Variants in UBE3A observed in about 807,000 individuals in gnomAD.
The protein encoded by UBE3A is ubiquitin protein ligase E3A, also known as ubiquitin-protein ligase E3A.
In UBE3A, 6 loss-of-function variants were observed where a neutral mutation model predicts 83.4. The observed-to-expected ratio is 0.07, with a 90% CI of 0.04 to 0.14. The LOEUF (loss-of-function observed/expected upper bound fraction) is 0.14, where lower values mean the gene tolerates loss of function less well. Ranked by LOEUF, UBE3A falls within the 10% of genes least tolerant of loss-of-function variation. The probability of loss-of-function intolerance (pLI) is 1.00; values close to 1 mark genes in which losing one functional copy is unlikely to be tolerated. For synonymous variants in UBE3A, 337 were observed against 355.4 expected, an observed-to-expected ratio of 0.95 and a Z score of 0.58; for missense variants, 456 against 1,036.1, an observed-to-expected ratio of 0.44 and a Z score of 7.69.
In UBE3A at chr15:25,427,631, A is replaced by C. The variant is rs1295539160; in HGVS notation, c.-165+10858T>G. ...AAAAAAAAAAAAAAAAAAAAAAAAA[A>C]CCCACAAAACTTAGCAGGGCCTGGA... On this transcript the variant is annotated intron_variant, in intron 1 of 12. Transcript: ENST00000648336. Among the ~76,000 whole-genome samples the C allele has an allele frequency of 3.3e-3, 380 of 115,330 alleles. 4 individuals are homozygous for C. The highest frequency in any genetic ancestry group is 9.0e-3 in the African/African-American group (313 of 34,664). The allele number at this position is 115,330 out of a possible 152,430, so 75.7% of individuals were successfully genotyped here.
At chr15:25,376,052 A>G (rs1477601258) in intron 4 of UBE3A, among the ~76,000 whole-genome samples, 2 of 152,168 alleles carry the variant, frequency 1.3e-5, no homozygotes, top group Non-Finnish European at 2.9e-5. Context: ...GTCTGATGGT[A>G]TATGTGCTTA....
chr15:25,337,481 T>A lies in UBE3A; in HGVS notation c.*1656A>T, dbSNP rs1400786391. ...GCATTGTCTTCTTTTTCCACTAAAT[T>A]AAATTATGGTGAAAAGTGCCACAGT... On this transcript the variant is annotated 3_prime_UTR_variant, in exon 13 of 13. Coordinates refer to ENST00000648336, the MANE Select transcript of UBE3A (RefSeq NM_130839.5). 1 of 152,028 alleles carries A rather than the reference T, an allele frequency of 6.6e-6. No individual in the cohort carries two copies. The highest frequency in any genetic ancestry group is 1.5e-5 in the Non-Finnish European group (1 of 68,018). 9.4% of individuals were successfully genotyped at this position (152,028 alleles called of 1,614,324 possible).
chr15:25,426,372 AT>A (rs1891322209), intron 1 of UBE3A, among the ~76,000 whole-genome samples: 1 of 152,176 alleles, frequency 6.6e-6, no homozygotes, highest in Non-Finnish European at 1.5e-5. Context: ...CCTCTGGGTT[AT>A]TTTTACACTG....
At chr15:25,408,308 C>T (rs2089178354) in intron 3 of UBE3A, 1 of 408,694 alleles carries the variant, frequency 2.4e-6, no homozygotes, top group Admixed American at 3.8e-5. Context: ...TATTCTTTTA[C>T]TGCCAAGTTG....
intron 4 of UBE3A, among the ~76,000 whole-genome samples, chr15:25,384,612 A>G (rs1302512694): frequency 6.6e-6 from 1 of 152,156 alleles, no homozygotes; most frequent in East Asian, 1.9e-4. Flanking sequence ...GCAAATTCAA[A>G]GCAATCCCTA....
At chr15:25,401,138 TC>T (rs747997443) in intron 4 of UBE3A, among the ~76,000 whole-genome samples, 2 of 152,206 alleles carry the variant, frequency 1.3e-5, no homozygotes, top group Non-Finnish European at 2.9e-5. Context: ...TGTTGGATAA[TC>T]CTTGTACCCT....
In UBE3A at chr15:25,334,089, A is replaced by ATCCAATATT. The variant is rs2073848745; in HGVS notation, c.*5047_*5048insAATATTGGA. ...TATCCAATATTGTACTGGAGGTGCT[A>ATCCAATATT]GCCAGCACACTAAGGCAAGAAAATG... On this transcript the variant is annotated 3_prime_UTR_variant, in exon 13 of 13. Transcript: ENST00000648336. 6.6e-6 allele frequency: 1 copy of ATCCAATATT among 152,162 alleles called. No homozygotes were observed. The highest frequency in any genetic ancestry group is 1.5e-5 in the Non-Finnish European group (1 of 68,024). 9.4% of individuals were successfully genotyped at this position (152,162 alleles called of 1,614,324 possible).
At chr15:25,398,771 T>TTATATATA (rs1159969391) in intron 4 of UBE3A, among the ~76,000 whole-genome samples, 229 of 68,842 alleles carry the variant, frequency 3.3e-3, no homozygotes, top group African/African-American at 9.5e-3. Context: ...ATTCTTTTAT[T>TTATATATA]TATATATATA....
At chr15:25,381,623 T>C (rs1310595394) in intron 4 of UBE3A, among the ~76,000 whole-genome samples, 1 of 152,248 alleles carries the variant, frequency 6.6e-6, no homozygotes, top group Non-Finnish European at 1.5e-5. Flanking sequence ...TGAAGGCTTA[T>C]ATAATTAGTC....
intron 1 of UBE3A, among the ~76,000 whole-genome samples, chr15:25,437,383 G>T (rs548233043): frequency 6.6e-6 from 1 of 152,254 alleles, no homozygotes; most frequent in African/African-American, 2.4e-5. Flanking sequence ...CAACAAGATT[G>T]ATTGGGTACC....
intron 4 of UBE3A, among the ~76,000 whole-genome samples, chr15:25,390,028 T>A (rs2083979780): frequency 6.6e-6 from 1 of 152,106 alleles, no homozygotes; most frequent in East Asian, 1.9e-4. Context: ...CAGATGGCAA[T>A]TCAGCATATG....
chr15:25,361,615 T>A (rs764100195), intron 6 of UBE3A, among the ~76,000 whole-genome samples: 11 of 151,768 alleles, frequency 7.2e-5, no homozygotes, highest in Non-Finnish European at 1.6e-4. Context: ...ACTTTATGTA[T>A]CTAAAATTTG....
chr15:25,391,565 A>C (rs1406684972), intron 4 of UBE3A: 1 of 152,196 alleles, frequency 6.6e-6, no homozygotes, highest in Non-Finnish European at 1.5e-5. Flanking sequence ...GTTTTATCTT[A>C]ATCAATTATT....
chr15:25,433,059 G>GA (rs1893929314), intron 1 of UBE3A, among the ~76,000 whole-genome samples: 1 of 152,098 alleles, frequency 6.6e-6, no homozygotes, highest in South Asian at 2.1e-4. Flanking sequence ...AATTACAAAA[G>GA]AGATTTGACT....
intron 4 of UBE3A, among the ~76,000 whole-genome samples, chr15:25,396,299 T>C (rs1264191744): frequency 6.6e-6 from 1 of 151,994 alleles, no homozygotes; most frequent in Admixed American, 6.6e-5. Context: ...CAACACGGTA[T>C]TTATAAATTT....
chr15:25,344,830 A>T (rs980320774), intron 11 of UBE3A, among the ~76,000 whole-genome samples: 12 of 152,134 alleles, frequency 7.9e-5, no homozygotes, highest in Non-Finnish European at 1.6e-4. Flanking sequence ...TTTTTTCCCC[A>T]AACAGCCATT....
At position 25,337,987 on chromosome 15, in the gene UBE3A, A is replaced by C. The variant is rs907366414; in HGVS notation, c.*1150T>G. On this transcript the variant is annotated 3_prime_UTR_variant, in exon 13 of 13. Transcript: ENST00000648336. ...GGGGCTATACAATGTAATTCTTAGG[A>C]GTAATAGTTTCATTCATTTCCAGGT... The C allele has an allele frequency of 1.3e-5, 2 of 152,084 alleles. No individual in the cohort carries two copies. Among genetic ancestry groups the C allele is most frequent in the African/African-American group, 4.8e-5 (2 of 41,388 alleles). 9.4% of individuals were successfully genotyped at this position (152,084 alleles called of 1,614,324 possible). A position where few individuals can be genotyped will look rare whatever the true frequency, so the allele number is the denominator to read the frequency against.
intron 1 of UBE3A, chr15:25,415,923 CAA>C (rs2090827821): frequency 1.4e-5 from 2 of 144,126 alleles, no homozygotes; most frequent in African/African-American, 2.5e-5. Flanking sequence ...CATAGATGAA[CAA>C]AGATACCATT....
intron 11 of UBE3A, chr15:25,346,554 T>C (rs1281918707): frequency 2.6e-5 from 4 of 152,038 alleles, no homozygotes; most frequent in African/African-American, 9.7e-5. Flanking sequence ...AACACTGGGA[T>C]GAGTAAGATG....
Sources: allele counts gnomAD v4.1 joint callset (sites outside exome capture counted in the v4.1 genomes callset), GRCh38; gene constraint gnomAD v4.1.1; transcripts MANE v1.5; gene names NCBI Gene and HGNC (gene_info 2026-07-23, HGNC 2026-07-21).